The following ANGPT1 variants were observed in gnomAD, a reference collection of about 807,000 sequenced individuals.
ANGPT1 encodes angiopoietin 1.
Under a neutral mutation model 62.2 loss-of-function variants are expected in ANGPT1, and 17 were observed. That is an observed-to-expected ratio of 0.27 (90% confidence interval 0.19 to 0.41). The LOEUF is 0.41. Ranked by LOEUF, ANGPT1 falls within the 10% of genes least tolerant of loss-of-function variation. The probability of loss-of-function intolerance (pLI) is 1.00; values close to 1 mark genes in which losing one functional copy is unlikely to be tolerated. For synonymous variants in ANGPT1, 199 were observed against 198.9 expected, an observed-to-expected ratio of 1.00 and a Z score of 0.00; for missense variants, 478 against 594.9, an observed-to-expected ratio of 0.80 and a Z score of 2.04.
chr8:107,460,453 G>C (rs1399423311), intron 1 of ANGPT1, among the ~76,000 whole-genome samples: 1 of 152,162 alleles, frequency 6.6e-6, no homozygotes, highest in African/African-American at 2.4e-5. Flanking sequence ...AAAATAGATT[G>C]AACCTGTGCA....
intron 3 of ANGPT1, among the ~76,000 whole-genome samples, chr8:107,328,191 C>T (rs924473824): frequency 2.0e-5 from 3 of 152,024 alleles, no homozygotes; most frequent in Non-Finnish European, 4.4e-5. Context: ...CTATTTTCAA[C>T]ATGTATGGTG....
At chr8:107,490,437 A>T (rs1812927607) in intron 1 of ANGPT1, among the ~76,000 whole-genome samples, 1 of 152,200 alleles carries the variant, frequency 6.6e-6, no homozygotes, top group Admixed American at 6.5e-5. Flanking sequence ...GGCAGGAGAA[A>T]GAAAAGACAT....
intron 2 of ANGPT1, among the ~76,000 whole-genome samples, chr8:107,337,555 T>G (rs1035413477): frequency 2.6e-5 from 4 of 152,204 alleles, no homozygotes; most frequent in Non-Finnish European, 4.4e-5. Context: ...TCTTTACTCC[T>G]TAAGGGAGGT....
At chr8:107,326,452 C>A (rs1175173671) in intron 3 of ANGPT1, among the ~76,000 whole-genome samples, 2 of 152,104 alleles carry the variant, frequency 1.3e-5, no homozygotes, top group Admixed American at 1.3e-4. Flanking sequence ...CTTCTTCAGG[C>A]AAGACTGATC....
At chr8:107,443,947 C>G (rs1459539197) in intron 1 of ANGPT1, among the ~76,000 whole-genome samples, 3 of 151,988 alleles carry the variant, frequency 2.0e-5, no homozygotes, top group Non-Finnish European at 2.9e-5. Flanking sequence ...TCGTTAATGT[C>G]TTCTCTCAGA....
At chr8:107,306,990 C>A (rs1814734594) in intron 4 of ANGPT1, among the ~76,000 whole-genome samples, 1 of 152,110 alleles carries the variant, frequency 6.6e-6, no homozygotes, top group Admixed American at 6.6e-5. Flanking sequence ...TGAAAGAGGG[C>A]TGTATCTATC....
intron 1 of ANGPT1, among the ~76,000 whole-genome samples, chr8:107,409,938 AATCCATCCATCCATCCATCC>A (rs5893861): frequency 3.1e-4 from 46 of 149,022 alleles, no homozygotes; most frequent in East Asian, 2.7e-3. Flanking sequence ...ATATGTGATG[AATCCATCCATCCATCCATCC>A]ATCCATCCAT....
chr8:107,421,662 A>T lies in ANGPT1; in HGVS notation c.298-74565T>A, dbSNP rs986045521. Among the ~76,000 whole-genome samples, 7 of 152,278 alleles carry T rather than the reference A, an allele frequency of 4.6e-5. No homozygotes were observed. The East Asian group carries it at 1.4e-3, about 29-fold the overall frequency. On this transcript the variant is annotated intron_variant, in intron 1 of 8. Coordinates refer to ENST00000517746, the MANE Select transcript of ANGPT1 (RefSeq NM_001146.5). ...GGTGTGAAAGCAAAGCCGCTCTTTG[A>T]ATTGTTTGCTTAATAAGATCTCCAG...
At chr8:107,462,228 A>C (rs1430197249) in intron 1 of ANGPT1, among the ~76,000 whole-genome samples, 1 of 152,028 alleles carries the variant, frequency 6.6e-6, no homozygotes, top group Non-Finnish European at 1.5e-5. Context: ...GAAAATATGA[A>C]GAGGGAGAGA....
chr8:107,347,354 C>T (rs1815828735), intron 1 of ANGPT1, among the ~76,000 whole-genome samples: 1 of 152,122 alleles, frequency 6.6e-6, no homozygotes, highest in Admixed American at 6.6e-5. Context: ...CACACTTTCC[C>T]ATTGTTGACA....
chr8:107,419,611 CT>C (rs908126701), intron 1 of ANGPT1, among the ~76,000 whole-genome samples: 2 of 152,098 alleles, frequency 1.3e-5, no homozygotes, highest in African/African-American at 4.8e-5. Context: ...AATTTGTATG[CT>C]TTTCTCCGTT....
chr8:107,399,457 T>C (rs1586290155), intron 1 of ANGPT1, among the ~76,000 whole-genome samples: 1 of 152,320 alleles, frequency 6.6e-6, no homozygotes, highest in East Asian at 1.9e-4. Context: ...GGACATTAAT[T>C]AGTATGAAGA....
chr8:107,263,347 T>C (rs1275268138), intron 8 of ANGPT1, among the ~76,000 whole-genome samples: 3 of 35,282 alleles, frequency 8.5e-5, no homozygotes, highest in Non-Finnish European at 9.7e-5. Flanking sequence ...AGAGCAAAAC[T>C]CAGTTTCAAA....
At chr8:107,280,579 A>C (rs998949031) in intron 7 of ANGPT1, among the ~76,000 whole-genome samples, 5 of 152,204 alleles carry the variant, frequency 3.3e-5, no homozygotes, top group African/African-American at 1.2e-4. Flanking sequence ...AGTTAAGTTT[A>C]TGTGTTGAGT....
intron 1 of ANGPT1, among the ~76,000 whole-genome samples, chr8:107,413,267 C>T (rs899971392): frequency 3.3e-5 from 5 of 152,114 alleles, no homozygotes; most frequent in Non-Finnish European, 5.9e-5. Flanking sequence ...AATTTGACTT[C>T]GTGTTAACTC....
intron 1 of ANGPT1, among the ~76,000 whole-genome samples, chr8:107,493,050 T>C (rs898148339): frequency 1.3e-5 from 2 of 150,566 alleles, no homozygotes; most frequent in Non-Finnish European, 3.0e-5. Context: ...CATCTTAAAG[T>C]AGTTACAAGG....
At chr8:107,424,083 C>G (rs1034720737) in intron 1 of ANGPT1, among the ~76,000 whole-genome samples, 10 of 151,578 alleles carry the variant, frequency 6.6e-5, no homozygotes, top group Non-Finnish European at 1.2e-4. Flanking sequence ...TCAAGTGATC[C>G]GCCCACCTCA....
At chr8:107,363,844 C>T (rs1816217739) in intron 1 of ANGPT1, among the ~76,000 whole-genome samples, 2 of 152,158 alleles carry the variant, frequency 1.3e-5, no homozygotes, top group African/African-American at 4.8e-5. Flanking sequence ...AGCCACTTAA[C>T]TACTCTAAGC....
chr8:107,398,222 T>G (rs1373213918), intron 1 of ANGPT1, among the ~76,000 whole-genome samples: 4 of 152,228 alleles, frequency 2.6e-5, no homozygotes, highest in Non-Finnish European at 5.9e-5. Flanking sequence ...ATGTCAGGAC[T>G]TTGATTCCAT....
Sources: gnomAD v4.1 joint callset for allele counts (sites outside exome capture counted in the v4.1 genomes callset) on GRCh38, gnomAD v4.1.1 for gene constraint, MANE v1.5 for transcripts, NCBI Gene and HGNC (gene_info 2026-07-23, HGNC 2026-07-21) for gene names.